The following PTPRM variants were observed in gnomAD, a reference collection of about 807,000 sequenced individuals.
The protein encoded by PTPRM is protein tyrosine phosphatase receptor type M.
Under a neutral mutation model 186.7 loss-of-function variants are expected in PTPRM, and 47 were observed. The observed-to-expected ratio is 0.25, with a 90% confidence interval of 0.20 to 0.32. The LOEUF is 0.32. Ranked by LOEUF, PTPRM falls within the 10% of genes least tolerant of loss-of-function variation. The probability of loss-of-function intolerance (pLI) is 1.00; values close to 1 mark genes in which losing one functional copy is unlikely to be tolerated. For synonymous variants in PTPRM, 668 were observed against 674.9 expected (o/e 0.99, Z 0.16); for missense variants, 1,494 against 1,865.0 (o/e 0.80, Z 3.66).
intron 20 of PTPRM, among the ~76,000 whole-genome samples, chr18:8,310,618 A>G (rs182050921): frequency 1.9e-4 from 29 of 152,004 alleles, no homozygotes; most frequent in Non-Finnish European, 2.9e-5. Context: ...ATTGTTTGCT[A>G]GCTCTTCAGA....
intron 6 of PTPRM, among the ~76,000 whole-genome samples, chr18:7,951,038 T>C (rs890859957): frequency 6.6e-6 from 1 of 152,218 alleles, no homozygotes; most frequent in Non-Finnish European, 1.5e-5. Flanking sequence ...CGTAAGGAAG[T>C]GCACATTAAG....
chr18:8,258,365 A>C (rs1339026037), intron 19 of PTPRM, among the ~76,000 whole-genome samples: 2 of 152,164 alleles, frequency 1.3e-5, no homozygotes, highest in African/African-American at 4.8e-5. Flanking sequence ...GGCCTTTCTC[A>C]GCTAGAGTTG....
chr18:8,128,981 A>G (rs552192461), intron 13 of PTPRM, among the ~76,000 whole-genome samples: 29 of 152,278 alleles, frequency 1.9e-4, no homozygotes, highest in Non-Finnish European at 4.1e-4. Context: ...AATGGCATAT[A>G]TTGAAATTTC....
chr18:7,857,066 A>G lies in PTPRM; in HGVS notation c.197-31040A>G, dbSNP rs372396398. Among the ~76,000 whole-genome samples the G allele has an allele frequency of 4.6e-5, 7 of 152,220 alleles. No homozygotes were observed. In the East Asian group the frequency reaches 1.4e-3, roughly 29 times the overall value. Reference sequence around the variant, plus strand: ...CTATCATTGCTCAATCTCACATGCCATCTCTTCTGGGAAACACTTCTTGAA... The same window carrying G: ...CTATCATTGCTCAATCTCACATGCCGTCTCTTCTGGGAAACACTTCTTGAA... On this transcript the variant is annotated intron_variant, in intron 2 of 32. Transcript: ENST00000580170.
intron 19 of PTPRM, among the ~76,000 whole-genome samples, chr18:8,293,964 T>C (rs1376513628): frequency 1.3e-5 from 2 of 152,148 alleles, no homozygotes; most frequent in African/African-American, 4.8e-5. Flanking sequence ...TGTGAAGAAA[T>C]ACCCAAGGCT....
intron 2 of PTPRM, among the ~76,000 whole-genome samples, chr18:7,877,831 A>G (rs1194686972): frequency 6.6e-6 from 1 of 152,118 alleles, no homozygotes; most frequent in Non-Finnish European, 1.5e-5. Context: ...GAGTTTATGG[A>G]CGAACTGACT....
At chr18:8,082,499 T>C (rs1293579497) in intron 9 of PTPRM, among the ~76,000 whole-genome samples, 10 of 106,240 alleles carry the variant, frequency 9.4e-5, no homozygotes, top group Non-Finnish European at 1.9e-4. Flanking sequence ...TTCTCCCTCC[T>C]TCTCTCCCTC....
At chr18:8,042,336 T>C (rs1034210382) in intron 7 of PTPRM, among the ~76,000 whole-genome samples, 6 of 152,210 alleles carry the variant, frequency 3.9e-5, no homozygotes, top group Non-Finnish European at 8.8e-5. Context: ...TATCTTCTTT[T>C]AAAATTTAAG....
At chr18:8,292,682 T>C (rs1169183902) in intron 19 of PTPRM, among the ~76,000 whole-genome samples, 1 of 152,226 alleles carries the variant, frequency 6.6e-6, no homozygotes, top group East Asian at 1.9e-4. Flanking sequence ...GGGAGGCTCA[T>C]TGCAAGAAGT....
chr18:7,998,718 G>T (rs1266522067), intron 7 of PTPRM, among the ~76,000 whole-genome samples: 7 of 152,024 alleles, frequency 4.6e-5, no homozygotes, highest in African/African-American at 1.7e-4. Flanking sequence ...GCAGTGGCAC[G>T]ATCTCAGCTC....
intron 7 of PTPRM, among the ~76,000 whole-genome samples, chr18:7,968,437 A>C (rs1241268805): frequency 7.7e-6 from 1 of 129,132 alleles, no homozygotes; most frequent in African/African-American, 3.1e-5. Context: ...TAATGACAGG[A>C]TCAAATTCAC....
chr18:8,332,558 T>C (rs1390319719), intron 22 of PTPRM, among the ~76,000 whole-genome samples: 1 of 152,204 alleles, frequency 6.6e-6, no homozygotes, highest in African/African-American at 2.4e-5. Flanking sequence ...ATGAGTGAAA[T>C]GTAAGCATCA....
In PTPRM at chr18:8,244,196, T is replaced by G; in HGVS notation, c.2439T>G (p.Asn813Lys). Reference protein sequence around the residue: ...DEAFSFMDTHNLNGRSVSSPS... With the variant: ...DEAFSFMDTHKLNGRSVSSPS... The stretch of plus-strand genomic sequence containing the variant: ...CTTTCTCATTCATGGACACGCACAA[T>G]CTGAATGGGAGATGTAAGTGCATAT... The change falls in exon 15 of 33, where the codon AAT (asparagine) becomes AAG (lysine). Residue 813 changes from asparagine (N) to lysine (K), a missense_variant. Asn to Lys is a moderately conservative substitution (Grantham distance 94, BLOSUM62 0). Coordinates refer to ENST00000580170, the MANE Select transcript of PTPRM (RefSeq NM_001105244.2). 1 of 1,570,370 alleles carries G rather than the reference T, an allele frequency of 6.4e-7. No homozygotes were observed. The highest frequency in any genetic ancestry group is 1.2e-5 in the South Asian group (1 of 81,822).
At chr18:8,195,423 A>G (rs148656264) in intron 14 of PTPRM, among the ~76,000 whole-genome samples, 7 of 152,222 alleles carry the variant, frequency 4.6e-5, no homozygotes, top group African/African-American at 1.2e-4. Context: ...ATAAAATCCT[A>G]TTACTAGTTA....
rs552187693 is a variant in PTPRM at position 8,226,321 on chromosome 18, A to T, written c.2301-17737A>T. ...ACAAATAAATAGCATGTAAAGGCCA[A>T]ATCGTTTGCTTTCTACATTCTTATT... is the stretch of plus-strand genomic sequence containing the variant. On this transcript the variant is annotated intron_variant, in intron 14 of 32. Transcript: ENST00000580170. 2.0e-5 allele frequency among the ~76,000 whole-genome samples: 3 copies of T among 151,480 alleles called. No individual in the cohort carries two copies. In the South Asian group the frequency reaches 6.3e-4, roughly 32 times the overall value.
intron 1 of PTPRM, among the ~76,000 whole-genome samples, chr18:7,636,796 G>A (rs2038324810): frequency 6.6e-6 from 1 of 152,190 alleles, no homozygotes; most frequent in African/African-American, 2.4e-5. Context: ...GAGGTTTAGA[G>A]TGAGGACATT....
chr18:7,613,332 T>C (rs1229703620), intron 1 of PTPRM, among the ~76,000 whole-genome samples: 1 of 152,154 alleles, frequency 6.6e-6, no homozygotes, highest in African/African-American at 2.4e-5. Flanking sequence ...CCCTTTTTCA[T>C]ACAGTAGATG....
chr18:8,204,167 G>T (rs2093895179), intron 14 of PTPRM, among the ~76,000 whole-genome samples: 1 of 152,084 alleles, frequency 6.6e-6, no homozygotes. Context: ...ATGAGATTGG[G>T]GGTGGGGAAT....
chr18:8,256,491 GA>G (rs147458301), intron 19 of PTPRM, among the ~76,000 whole-genome samples: 1 of 151,950 alleles, frequency 6.6e-6, no homozygotes, highest in Non-Finnish European at 1.5e-5. Context: ...GGTAGTAGAA[GA>G]AAAAAAATAC....
Sources: gnomAD v4.1 joint callset for allele counts (sites outside exome capture counted in the v4.1 genomes callset) on GRCh38, gnomAD v4.1.1 for gene constraint, MANE v1.5 for transcripts, NCBI Gene and HGNC (gene_info 2026-07-23, HGNC 2026-07-21) for gene names.